DNAAF1: variants seen among roughly 807,000 people sequenced by gnomAD.
The protein encoded by DNAAF1 is dynein axonemal assembly factor 1, also known as dynein assembly factor 1, axonemal.
DNAAF1 carries 65 observed loss-of-function variants against 71.1 expected under a neutral mutation model. The ratio of observed to expected loss-of-function variants is 0.91; its 90% CI spans 0.75 to 1.12. DNAAF1 has a LOEUF of 1.12. Among genes scored for constraint, DNAAF1 ranks in the 50% most tolerant of loss-of-function variants. DNAAF1 has a pLI of 0.00. For synonymous variants in DNAAF1, 414 were observed against 354.6 expected (o/e 1.17, Z -1.88); for missense variants, 1,178 against 899.8 (o/e 1.31, Z -3.96).
rs117367705 is a variant in DNAAF1 at position 84,172,634 on chromosome 16, C to T, written c.1644+259C>T. 8.3e-3 allele frequency: 10,985 copies of T among 1,323,410 alleles called. 63 individuals are homozygous for T. Among genetic ancestry groups the T allele is most frequent in the Non-Finnish European group, 9.8e-3 (10,076 of 1,030,176 alleles). 82.0% of individuals were successfully genotyped at this position (1,323,410 alleles called of 1,614,324 possible). A position where few individuals can be genotyped will look rare whatever the true frequency, so the allele number is the denominator to read the frequency against. ...AAGTTTGGGGAGCCCTGACCCAAAT[C>T]GCTACCCTTGAACCATGTCTACCAA... On this transcript the variant is annotated intron_variant, in intron 9 of 11. Coordinates refer to ENST00000378553, the MANE Select transcript of DNAAF1 (RefSeq NM_178452.6).
At chr16:84,176,447 T>C in intron 11 of DNAAF1, 148 bp downstream of exon 11, 1 of 1,265,836 alleles carries the variant, frequency 7.9e-7, no homozygotes, top group South Asian at 1.3e-5. Context: ...CCTCTGAAGG[T>C]CCCATTCCTG....
intron 7 of DNAAF1, among the ~76,000 whole-genome samples, chr16:84,169,105 T>TA (rs1555524874): frequency 4.9e-5 from 6 of 121,452 alleles, no homozygotes; most frequent in South Asian, 5.3e-4. Context: ...TTTTTTTTTT[T>TA]AGAGAGTCTC....
Position 84,174,688 on chromosome 16 carries a change from A to G in DNAAF1, c.1664A>G (p.Asp555Gly). The change falls in exon 10 of 12, where the codon GAT becomes GGT. Residue 555 changes from aspartate to glycine, a missense_variant. By Grantham distance (94) the Asp-to-Gly change is moderately conservative. Coordinates refer to ENST00000378553, the MANE Select transcript of DNAAF1 (RefSeq NM_178452.6). ...TTTCAGGACCTACCTGACTTGGAAGATGATGATGAAACAGGCAAATCTCTG... is the reference window on the plus strand; with the variant it reads ...TTTCAGGACCTACCTGACTTGGAAGGTGATGATGAAACAGGCAAATCTCTG... ...FCIDDLPDLE[D>G]DDETGKSLED... 6.2e-7 allele frequency: 1 copy of G among 1,614,180 alleles called. No homozygotes were observed. Among genetic ancestry groups the G allele is most frequent in the Non-Finnish European group, 8.5e-7 (1 of 1,180,018 alleles).
chr16:84,157,721 T>A (rs116282052), intron 5 of DNAAF1, among the ~76,000 whole-genome samples: 1,807 of 152,222 alleles, frequency 0.012, 45 homozygotes, highest in African/African-American at 0.042. Flanking sequence ...TTGATAAACA[T>A]GGAGAAAAGT....
At chr16:84,154,917 G>GTT in intron 4 of DNAAF1, 119 bp downstream of exon 4, 9 of 902,812 alleles carry the variant, frequency 1.0e-5, no homozygotes, top group South Asian at 8.8e-5. Flanking sequence ...TCTTTTTTTT[G>GTT]TTTTTTTTTG....
intron 7 of DNAAF1, 91 bp from the exon 8 acceptor site, chr16:84,169,768 C>T (rs2151264565): frequency 1.3e-6 from 2 of 1,574,076 alleles, no homozygotes; most frequent in Non-Finnish European, 1.7e-6. Context: ...TCCCTGGTCT[C>T]AGAAGTTTGC....
chr16:84,163,507 AG>A (rs1162013048), intron 6 of DNAAF1, among the ~76,000 whole-genome samples: 3 of 151,528 alleles, frequency 2.0e-5, no homozygotes, highest in Non-Finnish European at 4.4e-5. Flanking sequence ...CAGCCTCCCT[AG>A]TAGCTGGGAT....
At chr16:84,154,852 C>T in intron 4 of DNAAF1, 54 bp downstream of exon 4, 3 of 1,392,984 alleles carry the variant, frequency 2.2e-6, no homozygotes, top group Non-Finnish European at 3.1e-6. Flanking sequence ...ATCACCTTCC[C>T]CTGAGGGATG....
chr16:84,148,888 C>A, intron 1 of DNAAF1, 119 bp from the exon 2 acceptor site: 2 of 1,179,708 alleles, frequency 1.7e-6, no homozygotes, highest in Non-Finnish European at 2.5e-6. Flanking sequence ...CCATACCCAG[C>A]CACTAAAGAA....
chr16:84,162,588 G>A (rs2087765131), intron 6 of DNAAF1, among the ~76,000 whole-genome samples: 1 of 151,864 alleles, frequency 6.6e-6, no homozygotes, highest in African/African-American at 2.4e-5. Flanking sequence ...TGGGAGGCGG[G>A]GGCGGGCAGA....
At chr16:84,151,526 A>G (rs969246451) in intron 3 of DNAAF1, among the ~76,000 whole-genome samples, 2 of 152,196 alleles carry the variant, frequency 1.3e-5, no homozygotes, top group Non-Finnish European at 2.9e-5. Context: ...GAAAGGAACC[A>G]GTAAGTTTGA....
At chr16:84,166,222 T>C (rs2087981322) in intron 7 of DNAAF1, among the ~76,000 whole-genome samples, 1 of 151,694 alleles carries the variant, frequency 6.6e-6, no homozygotes, top group South Asian at 2.1e-4. Flanking sequence ...CTGGCTAGTT[T>C]TTGTATTTTT....
intron 8 of DNAAF1, among the ~76,000 whole-genome samples, chr16:84,171,830 C>T (rs1460271384): frequency 2.0e-5 from 3 of 151,964 alleles, no homozygotes; most frequent in Non-Finnish European, 2.9e-5. Flanking sequence ...TGGTGAGCTG[C>T]CGTGTTTGTC....
At chr16:84,177,631 G>T in intron 11 of DNAAF1, 98 bp from the exon 12 acceptor site, 1 of 1,001,914 alleles carries the variant, frequency 1.0e-6, no homozygotes, top group African/African-American at 1.6e-5. Context: ...GCCCAGTTGA[G>T]GACACTGAAT....
At chr16:84,164,760 C>T (rs1287836279) in intron 6 of DNAAF1, among the ~76,000 whole-genome samples, 1 of 152,216 alleles carries the variant, frequency 6.6e-6, no homozygotes, top group Non-Finnish European at 1.5e-5. Flanking sequence ...CATAAGTCTT[C>T]AACTCATTTG....
chr16:84,151,486 G>A (rs888228200), intron 3 of DNAAF1, among the ~76,000 whole-genome samples: 41 of 152,124 alleles, frequency 2.7e-4, no homozygotes, highest in East Asian at 1.9e-4. Flanking sequence ...ACAGACTGCC[G>A]GGGGACTGAT....
chr16:84,147,841 G>A (rs144843338), intron 1 of DNAAF1, among the ~76,000 whole-genome samples: 1,784 of 152,240 alleles, frequency 0.012, 31 homozygotes, highest in African/African-American at 0.041. Context: ...CAAGGCGGGT[G>A]GGTCACCTGA....
At chr16:84,173,007 C>G (rs1280620807) in intron 9 of DNAAF1, 2 of 993,522 alleles carry the variant, frequency 2.0e-6, no homozygotes, top group East Asian at 2.2e-4. Flanking sequence ...CTCACAACCC[C>G]CCAAGAACTG....
chr16:84,176,388 C>G (rs373595292), intron 11 of DNAAF1, 89 bp downstream of exon 11: 12 of 1,591,132 alleles, frequency 7.5e-6, no homozygotes, highest in East Asian at 4.5e-5. Flanking sequence ...CAGCCTTACC[C>G]TGAGCTTTCA....
Sources: allele counts gnomAD v4.1 joint callset (sites outside exome capture counted in the v4.1 genomes callset), GRCh38; gene constraint gnomAD v4.1.1; transcripts MANE v1.5; gene names NCBI Gene and HGNC (gene_info 2026-07-23, HGNC 2026-07-21).